Variants in PSD3 observed in about 807,000 individuals in gnomAD.
The protein encoded by PSD3 is PH and SEC7 domain-containing protein 3.
A neutral mutation model predicts 105.5 loss-of-function variants in PSD3; 49 were observed. That is an observed-to-expected ratio of 0.46 (90% confidence interval 0.37 to 0.59). The LOEUF (loss-of-function observed/expected upper bound fraction) is 0.59, where lower values mean the gene tolerates loss of function less well. Among genes scored for constraint, PSD3 ranks in the 20% least tolerant of loss-of-function variants. The pLI is 0.00. For missense variants in PSD3, 1,561 were observed against 1,263.8 expected, an observed-to-expected ratio of 1.24 and a Z score of -3.57; for synonymous variants, 557 against 457.8, an observed-to-expected ratio of 1.22 and a Z score of -2.77.
At chr8:18,555,168 CG>C in intron 15 of PSD3, among the ~76,000 whole-genome samples, 1 of 151,904 alleles carries the variant, frequency 6.6e-6, no homozygotes, top group East Asian at 1.9e-4. Flanking sequence ...TTAGGATGAA[CG>C]GAAGGAGAGC....
At chr8:19,005,977 C>T (rs1468706201) in intron 1 of PSD3, among the ~76,000 whole-genome samples, 1 of 151,882 alleles carries the variant, frequency 6.6e-6, no homozygotes, top group Non-Finnish European at 1.5e-5. Flanking sequence ...ATTTCACCCT[C>T]TGAAAATGGA....
At chr8:18,584,903 G>A (rs1803062243) in intron 12 of PSD3, among the ~76,000 whole-genome samples, 1 of 152,160 alleles carries the variant, frequency 6.6e-6, no homozygotes. Flanking sequence ...CCAGGGTTGA[G>A]GTGGTGAGAG....
chr8:18,595,889 G>C (rs1804058732), intron 12 of PSD3, among the ~76,000 whole-genome samples: 1 of 151,880 alleles, frequency 6.6e-6, no homozygotes, highest in Non-Finnish European at 1.5e-5. Flanking sequence ...CTTCAAAAAT[G>C]CAATACACCA....
intron 4 of PSD3, among the ~76,000 whole-genome samples, chr8:18,806,859 T>C (rs913722219): frequency 6.6e-6 from 1 of 152,220 alleles, no homozygotes; most frequent in African/African-American, 2.4e-5. Flanking sequence ...TATTCTATTA[T>C]AATCATTACA....
At chr8:18,610,750 G>T (rs1253041489) in intron 11 of PSD3, among the ~76,000 whole-genome samples, 2 of 152,140 alleles carry the variant, frequency 1.3e-5, no homozygotes, top group African/African-American at 4.8e-5. Context: ...GTGTTCCCTA[G>T]TGGGGTGCTG....
chr8:18,617,338 C>T (rs1466951362), intron 11 of PSD3, among the ~76,000 whole-genome samples: 1 of 152,074 alleles, frequency 6.6e-6, no homozygotes, highest in Non-Finnish European at 1.5e-5. Flanking sequence ...CGAGACCAAC[C>T]TGACCAACAT....
chr8:18,635,143 G>A lies in PSD3; in HGVS notation c.2217-2337C>T, dbSNP rs1276415514. On this transcript the variant is annotated intron_variant, in intron 10 of 15. Coordinates refer to ENST00000327040, the MANE Select transcript of PSD3 (RefSeq NM_015310.4). ...TTTGGCCATTGGGAGTTATAATAAG[G>A]TGTGCTCCTATGTCCTGTGAACATG... 2.6e-5 allele frequency among the ~76,000 whole-genome samples: 4 copies of A among 152,122 alleles called. 1 individual carries two copies. In the East Asian group the frequency reaches 7.7e-4, roughly 29 times the overall value.
chr8:19,020,730 T>C lies in PSD3; in HGVS notation c.324+63476A>G, dbSNP rs190151221. ...GAGGTAAGAAATGTTGAGATTCTGG[T>C]CATATTTTGAAGATTGAGCTCACAG... On this transcript the variant is annotated intron_variant, in intron 1 of 1. Coordinates refer to the PSD3 transcript ENST00000521475. Among the ~76,000 whole-genome samples the C allele has an allele frequency of 2.5e-3, 375 of 152,122 alleles. 4 individuals carry two copies. The highest frequency in any genetic ancestry group is 8.5e-3 in the African/African-American group (352 of 41,488).
At chr8:19,010,351 C>T (rs1300838076) in intron 1 of PSD3, among the ~76,000 whole-genome samples, 1 of 152,144 alleles carries the variant, frequency 6.6e-6, no homozygotes, top group African/African-American at 2.4e-5. Context: ...ACCTTCTGGG[C>T]GCAGTGAAAA....
chr8:18,830,043 C>T (rs1292150728), intron 4 of PSD3, among the ~76,000 whole-genome samples: 1 of 152,162 alleles, frequency 6.6e-6, no homozygotes, highest in Non-Finnish European at 1.5e-5. Flanking sequence ...TCTCAGCTCA[C>T]TGTAACCTCT....
Position 18,730,904 on chromosome 8 carries a change from C to CA in PSD3, c.2172+34544dup, listed in dbSNP as rs1042903678. On this transcript the variant is annotated intron_variant, in intron 9 of 15. Transcript: ENST00000327040. ...ATTTTAGAGTTGGCAAGATGGCTAC[C>CA]AAAAAAAAAATCACATGTACCTAGC... Among the ~76,000 whole-genome samples the CA allele has an allele frequency of 4.6e-4, 68 of 149,048 alleles. 1 individual carries two copies. In the South Asian group the frequency reaches 6.0e-3, roughly 13 times the overall value.
At chr8:18,611,915 C>T (rs1203427178) in intron 11 of PSD3, among the ~76,000 whole-genome samples, 1 of 152,290 alleles carries the variant, frequency 6.6e-6, no homozygotes, top group East Asian at 1.9e-4. Context: ...GGGAAGACCC[C>T]TTCTTGCTTA....
At chr8:18,602,078 G>C (rs4921941) in intron 11 of PSD3, among the ~76,000 whole-genome samples, 67,069 of 152,066 alleles carry the variant, frequency 0.44, 15,005 homozygotes, top group South Asian at 0.6. Flanking sequence ...GCTAATGCTG[G>C]AATGGAACCT....
At chr8:18,784,140 A>G (rs1808900035) in intron 8 of PSD3, among the ~76,000 whole-genome samples, 1 of 152,040 alleles carries the variant, frequency 6.6e-6, no homozygotes, top group Non-Finnish European at 1.5e-5. Flanking sequence ...TACACTTTAA[A>G]GATTACTCTC....
intron 4 of PSD3, among the ~76,000 whole-genome samples, chr8:18,823,859 G>A (rs569818812): frequency 3.3e-5 from 5 of 151,844 alleles, no homozygotes; most frequent in South Asian, 2.1e-4. Flanking sequence ...CTGACAAGGC[G>A]GCCTAGAAAG....
intron 14 of PSD3, among the ~76,000 whole-genome samples, chr8:18,568,558 C>T (rs7822555): frequency 0.15 from 23,523 of 152,022 alleles, 2,086 homozygotes; most frequent in East Asian, 0.37. Context: ...CCATGAGCCA[C>T]CAGAAGTGTC....
intron 10 of PSD3, among the ~76,000 whole-genome samples, chr8:18,635,608 A>C (rs1346205230): frequency 6.6e-6 from 1 of 152,168 alleles, no homozygotes; most frequent in African/African-American, 2.4e-5. Context: ...TGCACTATTT[A>C]CAACACCAAA....
chr8:18,783,481 C>T (rs971391256), intron 8 of PSD3, among the ~76,000 whole-genome samples: 1 of 152,088 alleles, frequency 6.6e-6, no homozygotes, highest in Non-Finnish European at 1.5e-5. Context: ...ATTATTCTTT[C>T]CCTTCTTTGG....
chr8:18,928,439 T>C (rs900934323), intron 2 of PSD3, among the ~76,000 whole-genome samples: 1 of 152,212 alleles, frequency 6.6e-6, no homozygotes, highest in Non-Finnish European at 1.5e-5. Context: ...ATTAGCAGCG[T>C]GAGAACAGAC....
Sources: gnomAD v4.1 joint callset for allele counts (sites outside exome capture counted in the v4.1 genomes callset) on GRCh38, gnomAD v4.1.1 for gene constraint, MANE v1.5 for transcripts, NCBI Gene and HGNC (gene_info 2026-07-23, HGNC 2026-07-21) for gene names.